PRDM10: variants seen among roughly 807,000 people sequenced by gnomAD.
PRDM10 encodes PR/SET domain 10.
Under a neutral mutation model 133.1 loss-of-function variants are expected in PRDM10, and 65 were observed. The observed-to-expected ratio is 0.49, with a 90% CI of 0.40 to 0.60. The LOEUF (loss-of-function observed/expected upper bound fraction) is 0.60, where lower values mean the gene tolerates loss of function less well. Among genes scored for constraint, PRDM10 ranks in the 20% least tolerant of loss-of-function variants. The pLI, the probability that PRDM10 is intolerant of heterozygous loss-of-function variation, is 0.00. For missense variants in PRDM10, 1,137 were observed against 1,507.1 expected (o/e 0.75, Z 4.07); for synonymous variants, 582 against 580.4 (o/e 1.00, Z -0.04).
chr11:129,969,266 C>T (rs1464439799), intron 1 of PRDM10, among the ~76,000 whole-genome samples: 1 of 152,096 alleles, frequency 6.6e-6, no homozygotes, highest in Non-Finnish European at 1.5e-5. Context: ...ATTTATATAG[C>T]AATTAGTCTC....
intron 1 of PRDM10, among the ~76,000 whole-genome samples, chr11:129,997,973 G>A (rs1939149252): frequency 6.6e-6 from 1 of 150,792 alleles, no homozygotes; most frequent in South Asian, 2.1e-4. Context: ...AATGCCACCT[G>A]GGAACACCCT....
chr11:129,957,748 G>A lies in PRDM10; in HGVS notation c.232C>T (p.Gln78Ter). Residue 78 changes from glutamine (Q) to a stop codon, truncating the protein, a stop_gained and splice_region_variant, in exon 3 of 21, where the codon CAG (glutamine) becomes TAG (stop). Transcript: ENST00000360871. LOFTEE classifies it high-confidence loss of function. The part of the protein sequence containing the change: ...LVYIHPVEAA[Q>*]TLFTDPGQVA... ...TCAACAGATAACCCTTCACATGCCTGTGCAGCTTCCACCGGGTGGATGTAC... is the reference window on the plus strand; with the variant it reads ...TCAACAGATAACCCTTCACATGCCTATGCAGCTTCCACCGGGTGGATGTAC... 1.2e-6 allele frequency: 2 copies of A among 1,609,984 alleles called. No homozygotes were observed. Among genetic ancestry groups the A allele is most frequent in the Non-Finnish European group, 1.7e-6 (2 of 1,177,994 alleles).
rs1338193469 is a variant in PRDM10 at position 129,901,627 on chromosome 11, A to T, written c.*686T>A. Reference sequence around the variant, plus strand: ...GTCCACCTTTGTGAAATAATGAAGAACTATCAGAACATGAGCTTCTGACCT... The same window carrying T: ...GTCCACCTTTGTGAAATAATGAAGATCTATCAGAACATGAGCTTCTGACCT... On this transcript the variant is annotated 3_prime_UTR_variant, in exon 21 of 21. Transcript: ENST00000360871. 2 of 152,276 alleles carry T rather than the reference A, an allele frequency of 1.3e-5. No homozygotes were observed. The highest frequency in any genetic ancestry group is 1.3e-4 in the Admixed American group (2 of 15,282). 9.4% of individuals were successfully genotyped at this position (152,276 alleles called of 1,614,324 possible). A position where few individuals can be genotyped will look rare whatever the true frequency, so the allele number is the denominator to read the frequency against.
intron 7 of PRDM10, among the ~76,000 whole-genome samples, chr11:129,939,515 T>G (rs1951140295): frequency 6.6e-6 from 1 of 152,216 alleles, no homozygotes; most frequent in Non-Finnish European, 1.5e-5. Flanking sequence ...GAAGTCAGGA[T>G]GTGTTTCACA....
chr11:129,935,898 C>T (rs12803657), intron 8 of PRDM10, among the ~76,000 whole-genome samples: 13,274 of 152,210 alleles, frequency 0.087, 1,155 homozygotes, highest in East Asian at 0.37. Flanking sequence ...TTGTTATTCA[C>T]GGTGTCCCAC....
chr11:129,903,294 G>A (rs577062734), intron 20 of PRDM10, among the ~76,000 whole-genome samples: 21 of 66,096 alleles, frequency 3.2e-4, no homozygotes, highest in East Asian at 1.0e-3. Context: ...GCGAAACTCC[G>A]TCTCAAAATA....
chr11:129,925,269 T>C (rs1950642044), intron 11 of PRDM10, 40 bp from the exon 12 acceptor site: 3 of 1,533,168 alleles, frequency 2.0e-6, no homozygotes, highest in Admixed American at 1.9e-5. Context: ...AGTGATGAAA[T>C]TAAGAGTGCA....
In PRDM10 at chr11:129,923,222, C is replaced by A; in HGVS notation, c.2034+26G>T. The A allele has an allele frequency of 6.4e-7, 1 of 1,555,850 alleles. No individual in the cohort carries two copies. The highest frequency in any genetic ancestry group is 2.4e-5 in the East Asian group (1 of 42,412). ...ATAATTCCAGTGGCCACGAGAACCACCTTGGGCTGTGCCTTGGTGTCATAC... is the reference window on the plus strand; with the variant it reads ...ATAATTCCAGTGGCCACGAGAACCAACTTGGGCTGTGCCTTGGTGTCATAC... On this transcript the variant is annotated intron_variant, in intron 13 of 20. Transcript: ENST00000360871. This position sits in a 1 kb window ranked among gnomAD's most constrained non-coding sequence, Gnocchi z 4.4.
intron 1 of PRDM10, among the ~76,000 whole-genome samples, chr11:129,977,031 C>T (rs534817430): frequency 4.5e-4 from 69 of 152,178 alleles, no homozygotes; most frequent in Admixed American, 4.3e-3. Flanking sequence ...TGCTGTTTCA[C>T]GTGCCCCTCA....
Position 129,901,311 on chromosome 11 carries a change from CATTTT to C in PRDM10, c.*997_*1001del, listed in dbSNP as rs1411001682. The stretch of plus-strand genomic sequence containing the variant: ...TTCCTGTCCAACTTTAAAGAATGTT[CATTTT>C]AAGACAGCATTAAAAGTAATAAAAT... On this transcript the variant is annotated 3_prime_UTR_variant, in exon 21 of 21. Coordinates refer to ENST00000360871, the MANE Select transcript of PRDM10 (RefSeq NM_199437.2). The C allele has an allele frequency of 2.0e-5, 3 of 152,582 alleles. No homozygotes were observed. The highest frequency in any genetic ancestry group is 3.2e-3 in the Middle Eastern group (1 of 316). The allele number at this position is 152,582 out of a possible 1,614,324, so 9.5% of individuals were successfully genotyped here. A position where few individuals can be genotyped will look rare whatever the true frequency, so the allele number is the denominator to read the frequency against.
intron 1 of PRDM10, among the ~76,000 whole-genome samples, chr11:129,990,267 A>G (rs1591703103): frequency 6.6e-6 from 1 of 152,036 alleles, no homozygotes; most frequent in Non-Finnish European, 1.5e-5. Context: ...AACAGCATGA[A>G]CCCAGGAGGC....
At chr11:129,979,263 C>T (rs982099632) in intron 1 of PRDM10, among the ~76,000 whole-genome samples, 9 of 152,234 alleles carry the variant, frequency 5.9e-5, no homozygotes, top group African/African-American at 2.2e-4. Context: ...TGCACAAATC[C>T]TAAGCGTCCG....
chr11:130,002,148 G>T (rs1054606277), intron 1 of PRDM10, among the ~76,000 whole-genome samples: 3 of 149,200 alleles, frequency 2.0e-5, no homozygotes, highest in Admixed American at 1.3e-4. Flanking sequence ...CCGGCGCCCG[G>T]CCCCCAGCCC....
rs1213757514 is a variant in PRDM10, at chr11:129,988,775, G to A, written c.-119+13947C>T. On this transcript the variant is annotated intron_variant, in intron 1 of 20. Coordinates refer to ENST00000360871, the MANE Select transcript of PRDM10 (RefSeq NM_199437.2). ...CTCCCGAGTAGCTGGAACTACAGGC[G>A]TCCGCCACCACACCCAGCTAATTTT... Among the ~76,000 whole-genome samples, 5 of 151,804 alleles carry A rather than the reference G, an allele frequency of 3.3e-5. No homozygotes were observed. In the East Asian group the frequency reaches 7.8e-4, roughly 24 times the overall value.
At chr11:129,952,881 C>T (rs2135903715) in intron 4 of PRDM10, among the ~76,000 whole-genome samples, 1 of 152,238 alleles carries the variant, frequency 6.6e-6, no homozygotes, top group East Asian at 1.9e-4. Context: ...TTGGGAGAAG[C>T]AAAACCAAGA....
intron 12 of PRDM10, 98 bp downstream of exon 12, chr11:129,924,784 T>C (rs1395863371): frequency 9.7e-7 from 1 of 1,027,284 alleles, no homozygotes; most frequent in African/African-American, 1.6e-5. Context: ...AAAGAAGGGA[T>C]GGAAATGCAG....
In PRDM10 at chr11:129,923,908, A is replaced by T. The variant is rs1408541065; in HGVS notation, c.1879-505T>A. Among the ~76,000 whole-genome samples the T allele has an allele frequency of 6.6e-6, 1 of 152,254 alleles. No homozygotes were observed. Among genetic ancestry groups the T allele is most frequent in the Non-Finnish European group, 1.5e-5 (1 of 68,042 alleles). On this transcript the variant is annotated intron_variant, in intron 12 of 20. Coordinates refer to ENST00000360871, the MANE Select transcript of PRDM10 (RefSeq NM_199437.2). The surrounding 1 kb of genome is among the most constrained non-coding windows in gnomAD (Gnocchi z 4.4). Reference sequence around the variant, plus strand: ...TTCTTATAAAATTAAGTTCTGAAGAATTAAAGACATGAATGAGTGGATACA... The same window carrying T: ...TTCTTATAAAATTAAGTTCTGAAGATTTAAAGACATGAATGAGTGGATACA...
chr11:129,992,883 C>T (rs1387734217), intron 1 of PRDM10, among the ~76,000 whole-genome samples: 3 of 152,192 alleles, frequency 2.0e-5, no homozygotes, highest in Admixed American at 2.0e-4. Flanking sequence ...AACAAAGCTA[C>T]CTGTGTGTTC....
chr11:129,934,120 C>A (rs1359681109), intron 9 of PRDM10, among the ~76,000 whole-genome samples: 1 of 152,218 alleles, frequency 6.6e-6, no homozygotes, highest in African/African-American at 2.4e-5. Context: ...TCTGTTTTCT[C>A]AATGTGTGTT....
Sources: gnomAD v4.1 joint callset for allele counts (sites outside exome capture counted in the v4.1 genomes callset) on GRCh38, gnomAD v4.1.1 for gene constraint, Gnocchi (gnomAD v3.1) non-coding constraint, MANE v1.5 for transcripts, NCBI Gene and HGNC (gene_info 2026-07-23, HGNC 2026-07-21) for gene names.